The following CAST variants were observed in gnomAD, a reference collection of about 807,000 sequenced individuals.
The protein encoded by CAST is MIR583 host.
A neutral mutation model predicts 119.6 loss-of-function variants in CAST; 76 were observed. That is an observed-to-expected ratio of 0.64 (90% CI 0.53 to 0.77). The LOEUF (loss-of-function observed/expected upper bound fraction) is 0.77. Ranked by LOEUF, CAST falls within the 30% of genes least tolerant of loss-of-function variation. The pLI is 0.00. For missense variants in CAST, 953 were observed against 946.5 expected (o/e 1.01, Z -0.09); for synonymous variants, 319 against 331.6 (o/e 0.96, Z 0.41).
chr5:96,688,977 A>G (rs957953509), intron 2 of CAST, among the ~76,000 whole-genome samples: 1 of 151,472 alleles, frequency 6.6e-6, no homozygotes, highest in Admixed American at 6.6e-5. Flanking sequence ...GTGTGTGTGT[A>G]TATGAGTGTA....
the CAST span, among the ~76,000 whole-genome samples, chr5:96,404,691 T>C: frequency 6.6e-6 from 1 of 152,202 alleles, no homozygotes; most frequent in Non-Finnish European, 1.5e-5. Flanking sequence ...CTCACAGGGC[T>C]GTGGGAGGCT....
intron 3 of CAST, among the ~76,000 whole-genome samples, chr5:96,716,045 G>T (rs1757131801): frequency 6.6e-6 from 1 of 152,222 alleles, no homozygotes; most frequent in Admixed American, 6.5e-5. Flanking sequence ...TAAAGGGATT[G>T]TAAGAATGTA....
chr5:96,435,761 G>T, the CAST span, among the ~76,000 whole-genome samples: 375 of 152,290 alleles, frequency 2.5e-3, 1 homozygote, highest in Middle Eastern at 0.01. Flanking sequence ...CAACTGCCCA[G>T]TGATACAGCT....
chr5:96,684,653 C>G (rs1399241585), intron 2 of CAST, among the ~76,000 whole-genome samples: 2 of 151,726 alleles, frequency 1.3e-5, no homozygotes, highest in African/African-American at 2.4e-5. Context: ...AACTCTGCCT[C>G]CTGGGTTCAA....
chr5:96,529,820 T>G (rs929678438), upstream of CAST: 4 of 439,392 alleles, frequency 9.1e-6, no homozygotes, highest in Non-Finnish European at 1.8e-5. Flanking sequence ...CGCCACCCTG[T>G]GGAGAGGTGC....
chr5:96,453,574 A>G, the CAST span, among the ~76,000 whole-genome samples: 1 of 152,194 alleles, frequency 6.6e-6, no homozygotes, highest in Non-Finnish European at 1.5e-5. Flanking sequence ...ACCATCGAGC[A>G]CTGATAGAAG....
At chr5:96,764,929 T>C (rs1334122729) in intron 25 of CAST, among the ~76,000 whole-genome samples, 1 of 152,168 alleles carries the variant, frequency 6.6e-6, no homozygotes, top group Non-Finnish European at 1.5e-5. Flanking sequence ...CTCCTGAGGC[T>C]GCCACTAAGA....
At chr5:96,628,092 A>G (rs958491839) in intron 1 of CAST, among the ~76,000 whole-genome samples, 3 of 152,246 alleles carry the variant, frequency 2.0e-5, no homozygotes, top group Non-Finnish European at 4.4e-5. Flanking sequence ...TTTGTTAAGC[A>G]TCCTTTTAAA....
chr5:96,568,182 C>T (rs1160311624), intron 1 of CAST, among the ~76,000 whole-genome samples: 1 of 152,074 alleles, frequency 6.6e-6, no homozygotes, highest in Non-Finnish European at 1.5e-5. Flanking sequence ...TTAATCCATA[C>T]CAGAAAGTTG....
chr5:96,511,237 C>T, the CAST span, among the ~76,000 whole-genome samples: 4 of 152,276 alleles, frequency 2.6e-5, no homozygotes, highest in African/African-American at 7.2e-5. Context: ...CTCTGCCTCC[C>T]GGGTTCAAGT....
the CAST span, among the ~76,000 whole-genome samples, chr5:96,250,297 G>GC: frequency 6.6e-6 from 1 of 152,132 alleles, no homozygotes; most frequent in Non-Finnish European, 1.5e-5. Flanking sequence ...CATTAGACAA[G>GC]CCAGAGCCAA....
intron 3 of CAST, among the ~76,000 whole-genome samples, chr5:96,709,925 C>T (rs1368444015): frequency 6.6e-6 from 1 of 152,252 alleles, no homozygotes; most frequent in African/African-American, 2.4e-5. Context: ...AAAATGATAG[C>T]AATATTGGGA....
chr5:96,294,056 G>A, the CAST span, among the ~76,000 whole-genome samples: 7 of 152,108 alleles, frequency 4.6e-5, no homozygotes, highest in Non-Finnish European at 8.8e-5. Flanking sequence ...CACTGTGCCT[G>A]GCCCTGAATT....
the CAST span, among the ~76,000 whole-genome samples, chr5:96,124,092 A>G: frequency 2.6e-5 from 4 of 152,198 alleles, no homozygotes; most frequent in East Asian, 5.8e-4. Context: ...TAATCATCCC[A>G]ATCATTAAGG....
In CAST at chr5:96,706,598, T is replaced by C. The variant is rs118071200; in HGVS notation, c.210+10691T>C. Among the ~76,000 whole-genome samples the C allele has an allele frequency of 4.6e-5, 7 of 152,348 alleles. No homozygotes were observed. The East Asian group carries it at 1.3e-3, about 29-fold the overall frequency. The stretch of plus-strand genomic sequence containing the variant: ...GCCAACAGCTGCAGATCCTAATGAC[T>C]GAGATGTTATTCTGGTGGAGCACAG... On this transcript the variant is annotated intron_variant, in intron 3 of 31. Transcript: ENST00000675179.
the CAST span, among the ~76,000 whole-genome samples, chr5:96,412,752 GTT>G: frequency 2.1e-4 from 15 of 71,802 alleles, no homozygotes; most frequent in African/African-American, 3.6e-4. Flanking sequence ...CAGCTGTGAT[GTT>G]TTTTTTTTTT....
intron 1 of CAST, among the ~76,000 whole-genome samples, chr5:96,564,227 G>A (rs1447955572): frequency 2.0e-5 from 3 of 152,130 alleles, no homozygotes; most frequent in African/African-American, 4.8e-5. Flanking sequence ...TTTTATGCCC[G>A]ACCAACTGTA....
chr5:96,581,036 C>A (rs569268753), intron 1 of CAST, among the ~76,000 whole-genome samples: 1 of 152,356 alleles, frequency 6.6e-6, no homozygotes, highest in South Asian at 2.1e-4. Flanking sequence ...TCTTGGATTT[C>A]CCAGCCTCTA....
At chr5:96,554,099 C>A (rs1746186842) in intron 1 of CAST, among the ~76,000 whole-genome samples, 1 of 152,188 alleles carries the variant, frequency 6.6e-6, no homozygotes, top group South Asian at 2.1e-4. Flanking sequence ...ATAGCCAAGA[C>A]AATCCTGGGC....
Sources: gnomAD v4.1 joint callset for allele counts (sites outside exome capture counted in the v4.1 genomes callset) on GRCh38, gnomAD v4.1.1 for gene constraint, MANE v1.5 for transcripts, NCBI Gene and HGNC (gene_info 2026-07-23, HGNC 2026-07-21) for gene names.